The following SULT1B1 variants were observed in gnomAD, a reference collection of about 807,000 sequenced individuals.
The protein encoded by SULT1B1 is sulfotransferase family 1B member 1, also known as sulfotransferase 1B1.
In SULT1B1, 28 loss-of-function variants were observed where a neutral mutation model predicts 34.6. That is an observed-to-expected ratio of 0.81 (90% CI 0.60 to 1.11). The LOEUF (loss-of-function observed/expected upper bound fraction) is 1.11, where lower values mean the gene tolerates loss of function less well. SULT1B1 is among the 50% of genes least tolerant of loss of function. The pLI is 0.00. For synonymous variants in SULT1B1, 147 were observed against 110.2 expected (o/e 1.33, Z -2.09); for missense variants, 374 against 352.2 (o/e 1.06, Z -0.50).
chr4:69,738,051 C>T (rs1434590464), intron 4 of SULT1B1, among the ~76,000 whole-genome samples: 1 of 152,106 alleles, frequency 6.6e-6, no homozygotes, highest in African/African-American at 2.4e-5. Flanking sequence ...GTCTATTGCT[C>T]CCATCTTTGT....
At chr4:69,735,961 GAC>G (rs1188033039) in intron 4 of SULT1B1, among the ~76,000 whole-genome samples, 2 of 152,278 alleles carry the variant, frequency 1.3e-5, no homozygotes, top group East Asian at 3.9e-4. Flanking sequence ...TGATAGGAAA[GAC>G]AGTCTTAGAA....
chr4:69,754,104 C>T (rs868696398), intron 3 of SULT1B1, among the ~76,000 whole-genome samples: 11 of 152,268 alleles, frequency 7.2e-5, no homozygotes, highest in Middle Eastern at 3.4e-3. Flanking sequence ...CTATTGTTCG[C>T]TTCCACAGAA....
chr4:69,736,619 A>G (rs184603185), intron 4 of SULT1B1, among the ~76,000 whole-genome samples: 1 of 152,300 alleles, frequency 6.6e-6, no homozygotes, highest in East Asian at 1.9e-4. Context: ...TTTAAAATAA[A>G]TGAAAAAATA....
intron 4 of SULT1B1, among the ~76,000 whole-genome samples, chr4:69,740,911 T>C (rs1218263648): frequency 1.3e-5 from 2 of 152,198 alleles, no homozygotes; most frequent in Non-Finnish European, 2.9e-5. Flanking sequence ...TCTTCAACAT[T>C]CTGGTTTTTG....
chr4:69,756,424 A>G (rs898263973), intron 1 of SULT1B1, among the ~76,000 whole-genome samples: 1 of 152,060 alleles, frequency 6.6e-6, no homozygotes, highest in African/African-American at 2.4e-5. Context: ...GTGTTTCTGT[A>G]TTGGTGTTTT....
At chr4:69,734,080 G>T in intron 5 of SULT1B1, 58 bp downstream of exon 5, 1 of 1,311,020 alleles carries the variant, frequency 7.6e-7, no homozygotes. Flanking sequence ...AAAAGTTATT[G>T]TTAATAGTAT....
chr4:69,735,382 A>G (rs1291175114), intron 4 of SULT1B1, among the ~76,000 whole-genome samples: 1 of 152,248 alleles, frequency 6.6e-6, no homozygotes, highest in Non-Finnish European at 1.5e-5. Flanking sequence ...GAAGCCCAAC[A>G]GAGACATAGT....
intron 7 of SULT1B1, among the ~76,000 whole-genome samples, chr4:69,729,089 A>G (rs1444913938): frequency 6.6e-6 from 1 of 152,052 alleles, no homozygotes; most frequent in East Asian, 1.9e-4. Context: ...ATATGATTTG[A>G]GATAAAATTT....
intron 3 of SULT1B1, among the ~76,000 whole-genome samples, chr4:69,753,427 T>C (rs62305406): frequency 0.067 from 10,162 of 152,288 alleles, 513 homozygotes; most frequent in Admixed American, 0.13. Flanking sequence ...ATATAATTTT[T>C]CTTTGCATAA....
Position 69,755,280 on chromosome 4 carries a change from T to A in SULT1B1, c.-44-19A>T, listed in dbSNP as rs1213309093. 6.4e-7 allele frequency: 1 copy of A among 1,555,976 alleles called. No individual in the cohort carries two copies. The highest frequency in any genetic ancestry group is 8.8e-7 in the Non-Finnish European group (1 of 1,137,448). On this transcript the variant is annotated intron_variant, in intron 1 of 7. Coordinates refer to ENST00000310613, the MANE Select transcript of SULT1B1 (RefSeq NM_014465.4). ...AGTTGTTCTGGAGAAATATAGAGAA[T>A]AAAAATCAGAATCTGAGTAACTAAT...
chr4:69,732,859 GAC>G (rs1578048510), intron 6 of SULT1B1, among the ~76,000 whole-genome samples: 1 of 152,022 alleles, frequency 6.6e-6, no homozygotes, highest in East Asian at 1.9e-4. Flanking sequence ...AGGAAACAAA[GAC>G]AGTAAGAATA....
At chr4:69,751,188 A>G (rs926859828) in intron 3 of SULT1B1, among the ~76,000 whole-genome samples, 11 of 152,252 alleles carry the variant, frequency 7.2e-5, no homozygotes, top group Non-Finnish European at 4.4e-5. Flanking sequence ...TTTACCCAGC[A>G]TATAAAAATG....
At chr4:69,735,903 T>A (rs560488708) in intron 4 of SULT1B1, among the ~76,000 whole-genome samples, 1 of 152,252 alleles carries the variant, frequency 6.6e-6, no homozygotes, top group Non-Finnish European at 1.5e-5. Flanking sequence ...AGGTGAGCAC[T>A]CACAGTACCT....
intron 4 of SULT1B1, among the ~76,000 whole-genome samples, chr4:69,743,948 G>A (rs1054269157): frequency 3.3e-5 from 5 of 152,252 alleles, no homozygotes; most frequent in South Asian, 2.1e-4. Context: ...GATGTTCCCA[G>A]GAAGGCAGTG....
At chr4:69,751,732 G>A (rs980989135) in intron 3 of SULT1B1, among the ~76,000 whole-genome samples, 2 of 152,196 alleles carry the variant, frequency 1.3e-5, no homozygotes, top group African/African-American at 4.8e-5. Context: ...GATTACAGGC[G>A]TGAGCCACCG....
At chr4:69,735,552 G>T (rs183653522) in intron 4 of SULT1B1, among the ~76,000 whole-genome samples, 1 of 152,280 alleles carries the variant, frequency 6.6e-6, no homozygotes, top group Non-Finnish European at 1.5e-5. Flanking sequence ...GAGAAGCCCT[G>T]TTTCTCCCAG....
In SULT1B1 at chr4:69,750,597, C is replaced by A. The variant is rs555123358; in HGVS notation, c.278-779G>T. On this transcript the variant is annotated intron_variant, in intron 3 of 7. Transcript: ENST00000310613. ...CAAACCCACACAAAATTGCATCTGA[C>A]TCACTCATTGAAAACAATGCTTTGT... 5.9e-5 allele frequency among the ~76,000 whole-genome samples: 9 copies of A among 152,320 alleles called. 1 individual carries two copies. The highest frequency in any genetic ancestry group is 1.3e-4 in the Admixed American group (2 of 15,312).
rs199793335 is a variant in SULT1B1 at position 69,755,969 on chromosome 4, TA to T, written c.-44-709del. ...CTGAGAGATTATCTATTTAGTTTTTTAAAAAGCTTTTCTCTGTGTGTGTTTC... is the reference window on the plus strand; with the variant it reads ...CTGAGAGATTATCTATTTAGTTTTTTAAAAGCTTTTCTCTGTGTGTGTTTC... On this transcript the variant is annotated intron_variant, in intron 1 of 7. Transcript: ENST00000310613. Among the ~76,000 whole-genome samples, 130 of 152,288 alleles carry T rather than the reference TA, an allele frequency of 8.5e-4. 4 individuals are homozygous for T. The East Asian group carries it at 0.022, about 26-fold the overall frequency.
At position 69,725,305 on chromosome 4, in the gene SULT1B1, T is replaced by A. The variant is rs1180546379; in HGVS notation, c.*1783A>T. The A allele has an allele frequency of 6.6e-6, 1 of 151,986 alleles. No individual in the cohort carries two copies. Among genetic ancestry groups the A allele is most frequent in the Non-Finnish European group, 1.5e-5 (1 of 68,000 alleles). 9.4% of individuals were successfully genotyped at this position (151,986 alleles called of 1,614,324 possible). ...TCACTGGCCATCAGGGAAATGCAAA[T>A]CAAAACCACAATGAGATACCATCTC... On this transcript the variant is annotated 3_prime_UTR_variant, in exon 8 of 8. Coordinates refer to ENST00000310613, the MANE Select transcript of SULT1B1 (RefSeq NM_014465.4).
Sources: allele counts gnomAD v4.1 joint callset (sites outside exome capture counted in the v4.1 genomes callset), GRCh38; gene constraint gnomAD v4.1.1; transcripts MANE v1.5; gene names NCBI Gene and HGNC (gene_info 2026-07-23, HGNC 2026-07-21).